CELF2: variants seen among roughly 807,000 people sequenced by gnomAD.
CELF2 encodes CUGBP Elav-like family member 2.
A neutral mutation model predicts 62.6 loss-of-function variants in CELF2; 8 were observed. That is an observed-to-expected ratio of 0.13 (90% confidence interval 0.07 to 0.23). The LOEUF is 0.23. Among genes scored for constraint, CELF2 ranks in the 10% least tolerant of loss-of-function variants. CELF2 has a pLI of 1.00. For synonymous variants in CELF2, 258 were observed against 250.0 expected (o/e 1.03, Z -0.30); for missense variants, 333 against 671.0 (o/e 0.50, Z 5.56).
the CELF2 span, among the ~76,000 whole-genome samples, chr10:10,507,079 C>T: frequency 1.3e-5 from 2 of 152,068 alleles, no homozygotes; most frequent in Non-Finnish European, 2.9e-5. Context: ...TAGGAAAGGC[C>T]GGAAACCAGT....
chr10:10,767,425 C>A, the CELF2 span, among the ~76,000 whole-genome samples: 3 of 152,262 alleles, frequency 2.0e-5, no homozygotes, highest in East Asian at 5.8e-4. Flanking sequence ...GATACCAATG[C>A]TCTCAGCCTA....
rs2065132026 is a variant in CELF2 at position 11,159,099 on chromosome 10, C to G, written c.75-6387C>G. On this transcript the variant is annotated intron_variant, in intron 1 of 12. Coordinates refer to ENST00000633077, the MANE Select transcript of CELF2 (RefSeq NM_001326342.2). This position sits in a 1 kb window ranked among gnomAD's most constrained non-coding sequence, Gnocchi z 5.0. Reference sequence around the variant, plus strand: ...TCAATTTTCCATGTGGATTCACTAGCTGATGTGTGGCCATCTCAGAGATGG... The same window carrying G: ...TCAATTTTCCATGTGGATTCACTAGGTGATGTGTGGCCATCTCAGAGATGG... 6.6e-6 allele frequency among the ~76,000 whole-genome samples: 1 copy of G among 152,174 alleles called. No homozygotes were observed. Among genetic ancestry groups the G allele is most frequent in the Non-Finnish European group, 1.5e-5 (1 of 68,026 alleles).
the CELF2 span, among the ~76,000 whole-genome samples, chr10:10,562,483 G>C: frequency 2.0e-5 from 3 of 152,160 alleles, no homozygotes; most frequent in African/African-American, 7.2e-5. Flanking sequence ...TTTTAAATAG[G>C]GTGAGAGTGA....
chr10:10,522,029 G>T, the CELF2 span, among the ~76,000 whole-genome samples: 1 of 152,268 alleles, frequency 6.6e-6, no homozygotes, highest in South Asian at 2.1e-4. Context: ...TCAAGACGTG[G>T]CATCTCCTGG....
At chr10:10,984,508 C>T (rs1240788958) in intron 2 of CELF2, among the ~76,000 whole-genome samples, 1 of 152,172 alleles carries the variant, frequency 6.6e-6, no homozygotes, top group Non-Finnish European at 1.5e-5. Context: ...TATTTAATTT[C>T]ATATTCCTAA....
At chr10:10,809,123 C>A (rs998441404) in intron 1 of CELF2, among the ~76,000 whole-genome samples, 6 of 152,084 alleles carry the variant, frequency 3.9e-5, no homozygotes, top group African/African-American at 1.4e-4. Context: ...GGATTAGTAT[C>A]CTTAAAAAGA....
chr10:11,330,405 C>G lies in CELF2; in HGVS notation c.*1352C>G, dbSNP rs1053619649. 6.6e-6 allele frequency: 1 copy of G among 152,544 alleles called. No individual in the cohort carries two copies. Among genetic ancestry groups the G allele is most frequent in the Non-Finnish European group, 1.5e-5 (1 of 68,032 alleles). The allele number at this position is 152,544 out of a possible 1,614,324, so 9.4% of individuals were successfully genotyped here. On this transcript the variant is annotated 3_prime_UTR_variant, in exon 13 of 13. Transcript: ENST00000633077. This position sits in a 1 kb window ranked among gnomAD's most constrained non-coding sequence, Gnocchi z 4.5. ...TGCACCCTTAAAAGTGATTTTGTTG[C>G]CGCTGCATAGATTCTGTGTAACTTT...
chr10:10,924,393 T>G (rs918235073), intron 2 of CELF2, among the ~76,000 whole-genome samples: 7 of 152,020 alleles, frequency 4.6e-5, no homozygotes, highest in African/African-American at 1.7e-4. Flanking sequence ...AGGGAGCATT[T>G]TAATTCCTTG....
chr10:10,959,477 C>A (rs2049254004), intron 2 of CELF2, among the ~76,000 whole-genome samples: 1 of 152,112 alleles, frequency 6.6e-6, no homozygotes, highest in Non-Finnish European at 1.5e-5. Flanking sequence ...ACTTTGAGTT[C>A]CGCTCAGAAG....
At chr10:11,042,403 T>A (rs935015592) in intron 1 of CELF2, among the ~76,000 whole-genome samples, 1 of 152,210 alleles carries the variant, frequency 6.6e-6, no homozygotes, top group African/African-American at 2.4e-5. Context: ...ACGGTCTCTC[T>A]TGACTTTGAA....
chr10:10,582,328 C>A, the CELF2 span, among the ~76,000 whole-genome samples: 18 of 152,130 alleles, frequency 1.2e-4, no homozygotes, highest in South Asian at 6.2e-4. Flanking sequence ...TGTTACATAC[C>A]TTTTGGATAT....
intron 2 of CELF2, among the ~76,000 whole-genome samples, chr10:10,922,303 A>G (rs986088550): frequency 9.2e-5 from 14 of 152,112 alleles, no homozygotes; most frequent in African/African-American, 2.9e-4. Context: ...GAAAAAGTCC[A>G]CCCTGAAGAC....
At chr10:10,782,222 T>C in the CELF2 span, among the ~76,000 whole-genome samples, 1 of 152,130 alleles carries the variant, frequency 6.6e-6, no homozygotes. Flanking sequence ...GACAGAAAAG[T>C]CCCAAGATCT....
chr10:11,285,685 A>G lies in CELF2; in HGVS notation c.842-2733A>G, dbSNP rs1161677871. On this transcript the variant is annotated intron_variant, in intron 8 of 12. Coordinates refer to ENST00000633077, the MANE Select transcript of CELF2 (RefSeq NM_001326342.2). The surrounding 1 kb of genome is among the most constrained non-coding windows in gnomAD (Gnocchi z 4.3). The stretch of plus-strand genomic sequence containing the variant: ...ATGCTGTTGTAAATACCAAAGAACT[A>G]ATAAATAATGGGGAAAACTAAAACC... Among the ~76,000 whole-genome samples, 1 of 152,218 alleles carries G rather than the reference A, an allele frequency of 6.6e-6. No homozygotes were observed. Among genetic ancestry groups the G allele is most frequent in the East Asian group, 1.9e-4 (1 of 5,202 alleles).
At chr10:10,529,652 C>A in the CELF2 span, among the ~76,000 whole-genome samples, 1 of 137,516 alleles carries the variant, frequency 7.3e-6, no homozygotes, top group Admixed American at 8.0e-5. Context: ...CCACTACACC[C>A]CAGCCTGGGT....
chr10:11,286,814 A>T (rs1321209576), intron 8 of CELF2, among the ~76,000 whole-genome samples: 1 of 152,196 alleles, frequency 6.6e-6, no homozygotes. Context: ...CCCACTTTCA[A>T]GCATCCCTGT....
In CELF2 at chr10:11,242,075, C is replaced by A. The variant is rs188531010; in HGVS notation, c.355-7078C>A. On this transcript the variant is annotated intron_variant, in intron 3 of 12. Transcript: ENST00000633077. This position sits in a 1 kb window ranked among gnomAD's most constrained non-coding sequence, Gnocchi z 4.8. ...TTTCTCAGTTGGCACATAGCTCTTT[C>A]GTGAATTCACTTCTTTCCATCCCCT... Among the ~76,000 whole-genome samples, 1 of 152,112 alleles carries A rather than the reference C, an allele frequency of 6.6e-6. No homozygotes were observed. The highest frequency in any genetic ancestry group is 2.1e-4 in the South Asian group (1 of 4,824).
chr10:11,285,829 GTGTGT>G lies in CELF2; in HGVS notation c.842-2588_842-2584del, dbSNP rs1565774667. Among the ~76,000 whole-genome samples, 47 of 13,474 alleles carry G rather than the reference GTGTGT, an allele frequency of 3.5e-3. No homozygotes were observed. Among genetic ancestry groups the G allele is most frequent in the African/African-American group, 0.01 (45 of 4,310 alleles). 8.8% of individuals were successfully genotyped at this position (13,474 alleles called of 152,430 possible). On this transcript the variant is annotated intron_variant, in intron 8 of 12. Coordinates refer to ENST00000633077, the MANE Select transcript of CELF2 (RefSeq NM_001326342.2). This position sits in a 1 kb window ranked among gnomAD's most constrained non-coding sequence, Gnocchi z 4.3. The stretch of plus-strand genomic sequence containing the variant: ...CTCATCACCTACTATATATATTGGT[GTGTGT>G]GTGTGTGTGTGTGTGTGTGTGTGTG...
intron 1 of CELF2, among the ~76,000 whole-genome samples, chr10:10,853,576 G>A (rs1446863699): frequency 6.6e-6 from 1 of 152,028 alleles, no homozygotes; most frequent in African/African-American, 2.4e-5. Context: ...ATGGTGGCTG[G>A]GAATAATACA....
Sources: gnomAD v4.1 joint callset for allele counts (sites outside exome capture counted in the v4.1 genomes callset) on GRCh38, gnomAD v4.1.1 for gene constraint, Gnocchi (gnomAD v3.1) non-coding constraint, MANE v1.5 for transcripts, NCBI Gene and HGNC (gene_info 2026-07-23, HGNC 2026-07-21) for gene names.